The following GALNT13 variants were observed in gnomAD, a reference collection of about 807,000 sequenced individuals.
GALNT13 encodes the protein polypeptide N-acetylgalactosaminyltransferase 13.
Under a neutral mutation model 64.2 loss-of-function variants are expected in GALNT13, and 28 were observed. The ratio of observed to expected loss-of-function variants is 0.44; its 90% CI spans 0.32 to 0.60. GALNT13 has a LOEUF of 0.60. Ranked by LOEUF, GALNT13 falls within the 20% of genes least tolerant of loss-of-function variation. GALNT13 has a pLI of 0.05. For missense variants in GALNT13, 577 were observed against 669.8 expected (o/e 0.86, Z 1.53); for synonymous variants, 214 against 224.6 (o/e 0.95, Z 0.42).
At chr2:154,110,283 AT>A (rs1427344422) in intron 3 of GALNT13, among the ~76,000 whole-genome samples, 1 of 1,206 alleles carries the variant, frequency 8.3e-4, no homozygotes, top group Non-Finnish European at 2.2e-3. Flanking sequence ...AATAGGATAT[AT>A]ATATATATAT....
At chr2:153,219,516 T>G in the GALNT13 span, among the ~76,000 whole-genome samples, 1 of 152,238 alleles carries the variant, frequency 6.6e-6, no homozygotes, top group Non-Finnish European at 1.5e-5. Context: ...TTGCCTCTTC[T>G]GCACTGCAGG....
intron 9 of GALNT13, among the ~76,000 whole-genome samples, chr2:154,330,288 G>A (rs1695097066): frequency 6.6e-6 from 1 of 152,066 alleles, no homozygotes; most frequent in Admixed American, 6.6e-5. Flanking sequence ...CCTGATTGTC[G>A]AGTCCAGGAA....
At chr2:153,370,518 C>T in the GALNT13 span, 2 of 152,072 alleles carry the variant, frequency 1.3e-5, no homozygotes, top group African/African-American at 2.4e-5. Flanking sequence ...ATTCCAAAAT[C>T]TATCAATATC....
intron 1 of GALNT13, among the ~76,000 whole-genome samples, chr2:153,877,639 GATT>G (rs75936234): frequency 0.081 from 12,351 of 151,970 alleles, 861 homozygotes; most frequent in African/African-American, 0.18. Flanking sequence ...TTCCTCTTGA[GATT>G]ATTATTATAT....
chr2:153,631,072 C>T, the GALNT13 span, among the ~76,000 whole-genome samples: 1 of 151,298 alleles, frequency 6.6e-6, no homozygotes, highest in African/African-American at 2.4e-5. Context: ...TTGGTTTTCT[C>T]TCCTTGTGAT....
chr2:153,968,448 G>A (rs1693523278), intron 3 of GALNT13, among the ~76,000 whole-genome samples: 1 of 152,158 alleles, frequency 6.6e-6, no homozygotes, highest in Non-Finnish European at 1.5e-5. Context: ...GCCTCTTGGG[G>A]TTAGAGTACG....
chr2:153,536,684 T>C, the GALNT13 span, among the ~76,000 whole-genome samples: 1 of 152,220 alleles, frequency 6.6e-6, no homozygotes, highest in Non-Finnish European at 1.5e-5. Context: ...TATAATAGTG[T>C]AGAACTTTAC....
At chr2:153,639,312 A>C in the GALNT13 span, among the ~76,000 whole-genome samples, 1 of 152,144 alleles carries the variant, frequency 6.6e-6, no homozygotes, top group Non-Finnish European at 1.5e-5. Flanking sequence ...GACACTGGTG[A>C]GTGGAAGGGT....
the GALNT13 span, among the ~76,000 whole-genome samples, chr2:153,718,805 G>A: frequency 1.3e-5 from 2 of 152,058 alleles, no homozygotes; most frequent in South Asian, 2.1e-4. Flanking sequence ...TGAAGGTCAG[G>A]TTTACAATAC....
At chr2:153,461,025 T>C in the GALNT13 span, among the ~76,000 whole-genome samples, 1 of 152,154 alleles carries the variant, frequency 6.6e-6, no homozygotes, top group Admixed American at 6.6e-5. Flanking sequence ...CGTATACACT[T>C]TTCTGTAATT....
chr2:154,046,746 G>C (rs1699309588), intron 3 of GALNT13, among the ~76,000 whole-genome samples: 1 of 152,112 alleles, frequency 6.6e-6, no homozygotes, highest in Admixed American at 6.6e-5. Context: ...AAGAGGAAAA[G>C]ACACTGTGGA....
At chr2:154,373,121 G>A (rs1178846827) in intron 9 of GALNT13, among the ~76,000 whole-genome samples, 1 of 152,034 alleles carries the variant, frequency 6.6e-6, no homozygotes, top group South Asian at 2.1e-4. Flanking sequence ...TATAAAAAAT[G>A]AATCATTTGC....
chr2:153,653,391 C>T, the GALNT13 span, among the ~76,000 whole-genome samples: 1 of 152,132 alleles, frequency 6.6e-6, no homozygotes, highest in Admixed American at 6.6e-5. Flanking sequence ...CAGGCATGGG[C>T]TTCCCTGGGA....
the GALNT13 span, among the ~76,000 whole-genome samples, chr2:153,585,803 G>A: frequency 2.6e-5 from 4 of 151,834 alleles, no homozygotes; most frequent in African/African-American, 9.7e-5. Context: ...AAAAAAAACA[G>A]GCAAGGATTC....
At chr2:153,834,639 C>T in the GALNT13 span, among the ~76,000 whole-genome samples, 1 of 152,022 alleles carries the variant, frequency 6.6e-6, no homozygotes, top group Non-Finnish European at 1.5e-5. Flanking sequence ...GGAGGGGAGG[C>T]AAGAGTATCT....
the GALNT13 span, among the ~76,000 whole-genome samples, chr2:153,689,620 G>GT: frequency 6.6e-6 from 1 of 151,996 alleles, no homozygotes; most frequent in Non-Finnish European, 1.5e-5. Context: ...GTGTCAGGTA[G>GT]TTTCATATCT....
intron 3 of GALNT13, among the ~76,000 whole-genome samples, chr2:154,097,602 A>T (rs896163016): frequency 5.3e-5 from 8 of 152,066 alleles, no homozygotes; most frequent in Non-Finnish European, 7.4e-5. Context: ...ACTTCATCCG[A>T]TAATGCAGTA....
At chr2:154,139,693 T>G (rs1574580905) in intron 3 of GALNT13, among the ~76,000 whole-genome samples, 1 of 151,656 alleles carries the variant, frequency 6.6e-6, no homozygotes, top group East Asian at 1.9e-4. Flanking sequence ...GGGACTTTAG[T>G]GTAGTGATAA....
the GALNT13 span, among the ~76,000 whole-genome samples, chr2:153,860,460 T>G: frequency 6.6e-6 from 1 of 151,816 alleles, no homozygotes; most frequent in African/African-American, 2.4e-5. Flanking sequence ...TTTTACTATT[T>G]AGGACCAAAT....
Sources: gnomAD v4.1 joint callset for allele counts (sites outside exome capture counted in the v4.1 genomes callset) on GRCh38, gnomAD v4.1.1 for gene constraint, MANE v1.5 for transcripts, NCBI Gene and HGNC (gene_info 2026-07-23, HGNC 2026-07-21) for gene names.